Variants in MUC6 observed in about 807,000 individuals in gnomAD.
MUC6 encodes mucin-6.
A neutral mutation model predicts 201.5 loss-of-function variants in MUC6; 188 were observed. The observed-to-expected ratio is 0.93, with a 90% CI of 0.83 to 1.05. MUC6 has a LOEUF of 1.05. Among genes scored for constraint, MUC6 ranks in the 50% least tolerant of loss-of-function variants. MUC6 has a pLI of 0.00. For missense variants in MUC6, 2,706 were observed against 3,256.9 expected, an observed-to-expected ratio of 0.83 and a Z score of 4.12; for synonymous variants, 1,228 against 1,389.4, an observed-to-expected ratio of 0.88 and a Z score of 2.58.
intron 29 of MUC6, chr11:1,019,881 G>C: frequency 1.4e-6 from 1 of 731,544 alleles, no homozygotes; most frequent in South Asian, 1.6e-5. Context: ...CCAGCAGCAA[G>C]GAATGCCCCA....
In MUC6 at chr11:1,020,258, C is replaced by A. The variant is rs754415876; in HGVS notation, c.3641-1G>T. ...GGCCAGACTTGCGTGGGCCGTGAGC[C>A]TGGGTGGGCGGACATGCCATCAGGG... On this transcript the variant is annotated splice_acceptor_variant, in intron 28 of 32. Coordinates refer to ENST00000421673, the MANE Select transcript of MUC6 (RefSeq NM_005961.3). LOFTEE classifies it high-confidence loss of function. 2.5e-6 allele frequency: 4 copies of A among 1,600,220 alleles called. No individual in the cohort carries two copies. The highest frequency in any genetic ancestry group is 3.4e-6 in the Non-Finnish European group (4 of 1,174,188).
Position 1,027,350 on chromosome 11 carries a change from G to T in MUC6, c.2149C>A (p.Arg717Ser). The T allele has an allele frequency of 6.2e-7, 1 of 1,612,960 alleles. No homozygotes were observed. The highest frequency in any genetic ancestry group is 8.5e-7 in the Non-Finnish European group (1 of 1,179,842). Residue 717 changes from arginine (R) to serine (S), a missense_variant, in exon 17 of 33, where the codon CGC (arginine) becomes AGC (serine). This residue lies in a region of MUC6 where 1,850 missense variants were observed against 1,958.3 expected (regional missense o/e 0.94). Coordinates refer to ENST00000421673, the MANE Select transcript of MUC6 (RefSeq NM_005961.3). The stretch of plus-strand genomic sequence containing the variant: ...AGTATGCACGGGCACTGGGCCTTGC[G>T]CACACACTCGCCCTTTTGGTTCAGG... ...TYLNQKGECV[R>S]KAQCPCILEG...
chr11:1,013,847 G>A (rs1234156085), intron 32 of MUC6, 52 bp downstream of exon 32: 1 of 1,541,224 alleles, frequency 6.5e-7, no homozygotes, highest in Admixed American at 1.9e-5. Flanking sequence ...TCTGGGGTGG[G>A]GTTGTGAGCA....
Position 1,027,702 on chromosome 11 carries a change from C to T in MUC6, c.1964G>A (p.Ser655Asn), listed in dbSNP as rs1186576755. Residue 655 changes from serine to asparagine, a missense_variant, in exon 16 of 33, where the codon AGC becomes AAC. Physicochemically the swap from Ser to Asn is conservative, Grantham distance 46. Transcript: ENST00000421673. ...LRGVLLWGWR[S>N]SVDNCTIPCT... ...GCACTCACTGCAGTTGTCCACACTG[C>T]TTCTCCAGCCCCAGAGCAGGACGCC... 1.9e-6 allele frequency: 3 copies of T among 1,602,460 alleles called. No individual in the cohort carries two copies. Among genetic ancestry groups the T allele is most frequent in the Non-Finnish European group, 2.6e-6 (3 of 1,175,394 alleles).
In MUC6 at chr11:1,030,644, A is replaced by C; in HGVS notation, c.821T>G (p.Leu274Arg). Residue 274 changes from leucine to arginine, a missense_variant, in exon 7 of 33, where the codon CTG (leucine) becomes CGG (arginine). By Grantham distance (102) the Leu-to-Arg change is moderately radical (BLOSUM62 -2). Around this residue, in one of 10 missense-constraint regions of MUC6, gnomAD observed 1,850 missense variants for 1,958.3 expected, o/e 0.94. Coordinates refer to ENST00000421673, the MANE Select transcript of MUC6 (RefSeq NM_005961.3). ...GCTGCACTGGCGGGAGTACTCCGAC[A>C]GGGTGGCACAACTGCTGTTCTGTGG... ...PGPQNSSCAT[L>R]SEYSRQCSMV... is the part of the protein sequence containing the mutation. The C allele has an allele frequency of 6.5e-7, 1 of 1,545,680 alleles. No homozygotes were observed. The highest frequency in any genetic ancestry group is 8.7e-7 in the Non-Finnish European group (1 of 1,147,030).
Position 1,018,090 on chromosome 11 carries a change from G to A in MUC6, c.4711C>T (p.Pro1571Ser), listed in dbSNP as rs201615772. 6 of 1,221,432 alleles carry A rather than the reference G, an allele frequency of 4.9e-6. No homozygotes were observed. The highest frequency in any genetic ancestry group is 2.1e-4 in the Middle Eastern group (1 of 4,810). The allele number at this position is 1,221,432 out of a possible 1,614,324, so 75.7% of individuals were successfully genotyped here. Residue 1571 changes from proline (P) to serine (S), a missense_variant, in exon 31 of 33, where the codon CCA becomes TCA. Pro to Ser is a moderately conservative substitution (Grantham distance 74). Around this residue, in one of 10 missense-constraint regions of MUC6, gnomAD observed 128 missense variants for 206.5 expected, o/e 0.62. Transcript: ENST00000421673. ...TNSATSSRPPPPFTTHSPPTG... is the reference protein window; with the variant it reads ...TNSATSSRPPSPFTTHSPPTG... ...GGTGGGGAGTGTGTGGTGAAGGGTG[G>A]TGGTGGCCTGCTGCTGGTGGCTGAG...
rs1469620300 is a variant in MUC6, at chr11:1,019,505, G to A, written c.3809-9C>T. ...GGTTGGTCTAGGTGGTTCTGCAGAG[G>A]ACAGCCGCCCGGAACATCCCCTTGC... On this transcript the variant is annotated splice_polypyrimidine_tract_variant and intron_variant, in intron 29 of 32. Transcript: ENST00000421673. 2 of 1,610,382 alleles carry A rather than the reference G, an allele frequency of 1.2e-6. No individual in the cohort carries two copies. The highest frequency in any genetic ancestry group is 1.7e-5 in the Admixed American group (1 of 60,016).
intron 17 of MUC6, 34 bp from the exon 18 acceptor site, chr11:1,027,227 C>T (rs1856982121): frequency 3.1e-6 from 5 of 1,612,100 alleles, no homozygotes; most frequent in Non-Finnish European, 4.2e-6. Context: ...ACCCCGGGAC[C>T]TGGCAGGGAC....
intron 1 of MUC6, 115 bp downstream of exon 1, chr11:1,036,489 C>G: frequency 8.3e-7 from 1 of 1,198,912 alleles, no homozygotes; most frequent in Non-Finnish European, 1.2e-6. Flanking sequence ...GGCCTCCCGT[C>G]CATCAGCGTC....
At chr11:1,025,758 C>T (rs1409686993) in intron 22 of MUC6, 47 bp downstream of exon 22, 2 of 1,516,394 alleles carry the variant, frequency 1.3e-6, no homozygotes, top group East Asian at 2.4e-5. Context: ...TGTGGCAGGG[C>T]CCCCTACCGC....
intron 12 of MUC6, 35 bp downstream of exon 12, chr11:1,028,854 A>G (rs760584993): frequency 1.9e-6 from 3 of 1,610,556 alleles, no homozygotes; most frequent in East Asian, 2.2e-5. Context: ...CCGAAGGCAC[A>G]ACTCTGGGGG....
chr11:1,013,660 G>T (rs1033083305), intron 32 of MUC6, 27 bp from the exon 33 acceptor site: 7 of 1,547,154 alleles, frequency 4.5e-6, no homozygotes, highest in African/African-American at 4.1e-5. Context: ...ACAGAGCAGG[G>T]TCATGACTGC....
chr11:1,028,014 G>A lies in MUC6; in HGVS notation c.1799C>T (p.Thr600Met), dbSNP rs775093965. Residue 600 changes from threonine to methionine, a missense_variant, in exon 15 of 33, where the codon ACG (threonine) becomes ATG (methionine). Coordinates refer to ENST00000421673, the MANE Select transcript of MUC6 (RefSeq NM_005961.3). The stretch of plus-strand genomic sequence containing the variant: ...TGTGGCGTGGCACCTCTCGAACACC[G>A]TGCCTGTCCTCAGCAGCATGGAGCA... ...THCSMLLRTG[T>M]VFERCHATVN... 13 of 1,587,024 alleles carry A rather than the reference G, an allele frequency of 8.2e-6. No homozygotes were observed. The highest frequency in any genetic ancestry group is 1.1e-5 in the Non-Finnish European group (13 of 1,167,164).
chr11:1,014,894 T>C (rs1266720440), intron 31 of MUC6, among the ~76,000 whole-genome samples: 1 of 152,062 alleles, frequency 6.6e-6, no homozygotes, highest in East Asian at 1.9e-4. Flanking sequence ...CTTCTTGGGG[T>C]CACCTCCCTG....
Position 1,029,541 on chromosome 11 carries a change from C to T in MUC6, c.1090G>A (p.Ala364Thr), listed in dbSNP as rs114461600. The T allele has an allele frequency of 7.0e-3, 11,231 of 1,612,248 alleles. 611 individuals are homozygous for T. The African/African-American group carries it at 0.12, about 18-fold the overall frequency. Residue 364 changes from alanine (A) to threonine (T), a missense_variant, in exon 9 of 33, where the codon GCC becomes ACC. Around this residue, in one of 10 missense-constraint regions of MUC6, gnomAD observed 1,850 missense variants for 1,958.3 expected, o/e 0.94. Transcript: ENST00000421673. ...GTGACCTCCCCGGGGGCATACATGGCGCCGTGGAGCACACAGGGGCACTGG... is the reference window on the plus strand; with the variant it reads ...GTGACCTCCCCGGGGGCATACATGGTGCCGTGGAGCACACAGGGGCACTGG... ...VTQCPCVLHG[A>T]MYAPGEVTIA...
At position 1,016,212 on chromosome 11, in the gene MUC6, G is replaced by T. The variant is rs774019118; in HGVS notation, c.6589C>A (p.Leu2197Ile). 1 of 1,613,142 alleles carries T rather than the reference G, an allele frequency of 6.2e-7. No individual in the cohort carries two copies. Among genetic ancestry groups the T allele is most frequent in the African/African-American group, 1.3e-5 (1 of 74,876 alleles). Reference sequence around the variant, plus strand: ...GAGGCAGCTGGAGAAGAAGGAAAAAGAGGAGATGCAGACACTGATGCAGTC... The same window carrying T: ...GAGGCAGCTGGAGAAGAAGGAAAAATAGGAGATGCAGACACTGATGCAGTC... ...PTTASVSASP[L>I]FPSSPAASTT... The change falls in exon 31 of 33, where the codon CTT (leucine) becomes ATT (isoleucine). Residue 2197 changes from leucine (L) to isoleucine (I), a missense_variant. By Grantham distance (5) the Leu-to-Ile change is conservative. Around this residue, in one of 10 missense-constraint regions of MUC6, gnomAD observed 586 missense variants for 488.0 expected, o/e 1.20. Coordinates refer to ENST00000421673, the MANE Select transcript of MUC6 (RefSeq NM_005961.3).
At chr11:1,019,595 G>T in intron 29 of MUC6, 99 bp from the exon 30 acceptor site, 2 of 1,108,182 alleles carry the variant, frequency 1.8e-6, no homozygotes, top group Non-Finnish European at 2.7e-6. Flanking sequence ...TCCCTGGCCT[G>T]CTGTCCGGGA....
rs755064511 is a variant in MUC6, at chr11:1,019,515, C to T, written c.3809-19G>A. On this transcript the variant is annotated intron_variant, in intron 29 of 32. Transcript: ENST00000421673. ...GGTGGTTCTGCAGAGGACAGCCGCC[C>T]GGAACATCCCCTTGCTGTGGGCCTG... 2.5e-5 allele frequency: 40 copies of T among 1,600,968 alleles called. No individual in the cohort carries two copies. Among genetic ancestry groups the T allele is most frequent in the South Asian group, 8.8e-5 (8 of 90,772 alleles).
chr11:1,020,811 C>A, intron 27 of MUC6, 77 bp from the exon 28 acceptor site: 1 of 1,549,644 alleles, frequency 6.5e-7, no homozygotes, highest in South Asian at 1.2e-5. Context: ...GCTCCGAGGG[C>A]CTGAGTCAGA....
Sources: gnomAD v4.1 joint callset for allele counts (sites outside exome capture counted in the v4.1 genomes callset) on GRCh38, gnomAD v4.1.1 for gene constraint, gnomAD v4.1.1 regional missense constraint, MANE v1.5 for transcripts, NCBI Gene and HGNC (gene_info 2026-07-23, HGNC 2026-07-21) for gene names.